ITGA2: variants seen among roughly 807,000 people sequenced by gnomAD.
ITGA2 encodes integrin subunit alpha 2.
In ITGA2, 101 loss-of-function variants were observed where a neutral mutation model predicts 146.3. The observed-to-expected ratio is 0.69, with a 90% CI of 0.59 to 0.81. ITGA2 has a LOEUF of 0.81. ITGA2 is among the 40% of genes least tolerant of loss of function. The pLI is 0.00. For synonymous variants in ITGA2, 477 were observed against 487.1 expected (o/e 0.98, Z 0.27); for missense variants, 1,281 against 1,402.7 (o/e 0.91, Z 1.39).
chr5:53,010,098 A>G (rs1172774210), intron 1 of ITGA2, among the ~76,000 whole-genome samples: 6 of 152,182 alleles, frequency 3.9e-5, no homozygotes, highest in Non-Finnish European at 8.8e-5. Flanking sequence ...CCTCTCAACC[A>G]TCTCAGCAAC....
In ITGA2 at chr5:53,004,894, G is replaced by GTTTTTTTTTT. The variant is rs548541753; in HGVS notation, c.64+15392_64+15401dup. Among the ~76,000 whole-genome samples, 16 of 55,946 alleles carry GTTTTTTTTTT rather than the reference G, an allele frequency of 2.9e-4. 5 individuals carry two copies. The highest frequency in any genetic ancestry group is 7.4e-4 in the African/African-American group (8 of 10,806). 36.7% of individuals were successfully genotyped at this position (55,946 alleles called of 152,430 possible). ...TACAACTTCTAAGTTTAGTTGCTTTGTTTTTTTTTTTTTTTTTTTTTTTTT... is the reference window on the plus strand; with the variant it reads ...TACAACTTCTAAGTTTAGTTGCTTTGTTTTTTTTTTTTTTTTTTTTTTTTTTTTTTTTTTT... On this transcript the variant is annotated intron_variant, in intron 1 of 29. Coordinates refer to ENST00000296585, the MANE Select transcript of ITGA2 (RefSeq NM_002203.4).
At chr5:53,074,569 T>C (rs1745572040) in intron 21 of ITGA2, 92 bp downstream of exon 21, 2 of 985,734 alleles carry the variant, frequency 2.0e-6, no homozygotes, top group Middle Eastern at 4.1e-4. Flanking sequence ...CATGATTTGA[T>C]AGGCATCACA....
At chr5:53,066,056 A>G (rs1561138147) in intron 15 of ITGA2, 79 bp downstream of exon 15, 10 of 1,317,474 alleles carry the variant, frequency 7.6e-6, no homozygotes, top group Non-Finnish European at 1.1e-5. Flanking sequence ...TACTGGTATT[A>G]TAGAAATGCC....
At chr5:53,008,960 T>C (rs1561086736) in intron 1 of ITGA2, among the ~76,000 whole-genome samples, 1 of 152,144 alleles carries the variant, frequency 6.6e-6, no homozygotes, top group Non-Finnish European at 1.5e-5. Flanking sequence ...AGTATGAGCA[T>C]GTGTCTATCA....
intron 12 of ITGA2, among the ~76,000 whole-genome samples, chr5:53,062,408 A>G (rs767352659): frequency 1.3e-5 from 2 of 151,910 alleles, no homozygotes; most frequent in Non-Finnish European, 2.9e-5. Context: ...CAAACCTCAC[A>G]TACCTACAAA....
chr5:53,051,271 T>C (rs967267515), intron 6 of ITGA2, 140 bp from the exon 7 acceptor site: 2 of 803,560 alleles, frequency 2.5e-6, no homozygotes, highest in Admixed American at 2.2e-5. Flanking sequence ...GAAAAGTAAC[T>C]ATCAAGAACA....
intron 2 of ITGA2, among the ~76,000 whole-genome samples, chr5:53,032,995 C>T (rs3822558): frequency 0.27 from 41,737 of 152,036 alleles, 5,832 homozygotes; most frequent in Admixed American, 0.32. Context: ...GGGCTGGGCT[C>T]GGTGGCTCAT....
At chr5:53,063,518 A>G (rs1055426662) in intron 13 of ITGA2, among the ~76,000 whole-genome samples, 2 of 150,022 alleles carry the variant, frequency 1.3e-5, no homozygotes, top group African/African-American at 2.5e-5. Context: ...TGTGGACTGA[A>G]CTCTCTAAAT....
Position 53,087,052 on chromosome 5 carries a change from C to T in ITGA2, c.3348+11C>T. ...GATAACACTGTTACGGTGAGCATATCACACCCTTCCCTGTGAGCCTCAGGG... is the reference window on the plus strand; with the variant it reads ...GATAACACTGTTACGGTGAGCATATTACACCCTTCCCTGTGAGCCTCAGGG... On this transcript the variant is annotated intron_variant, in intron 28 of 29. Coordinates refer to ENST00000296585, the MANE Select transcript of ITGA2 (RefSeq NM_002203.4). 6.3e-7 allele frequency: 1 copy of T among 1,589,052 alleles called. No homozygotes were observed. The highest frequency in any genetic ancestry group is 8.6e-7 in the Non-Finnish European group (1 of 1,157,606).
chr5:53,074,607 G>A (rs1669896714), intron 21 of ITGA2, 130 bp downstream of exon 21: 6 of 738,774 alleles, frequency 8.1e-6, no homozygotes, highest in Middle Eastern at 2.3e-4. Context: ...CTTAGGGGAA[G>A]TTTTCAATAT....
In ITGA2 at chr5:53,042,138, G is replaced by A; in HGVS notation, c.212G>A (p.Gly71Asp). Residue 71 changes from glycine to aspartate, a missense_variant, in exon 3 of 30, where the codon GGC becomes GAC. Transcript: ENST00000296585. ...TTACTGGTTGGTTCACCCTGGAGTG[G>A]CTTTCCTGAGAACCGAATGGGAGAT... ...NWLLVGSPWSGFPENRMGDVY... is the reference protein window; with the variant it reads ...NWLLVGSPWSDFPENRMGDVY... The A allele has an allele frequency of 1.2e-6, 2 of 1,612,982 alleles. No homozygotes were observed. Among genetic ancestry groups the A allele is most frequent in the Non-Finnish European group, 1.7e-6 (2 of 1,179,044 alleles).
At chr5:52,989,598 G>A in intron 1 of ITGA2, 66 bp downstream of exon 1, 1 of 1,564,636 alleles carries the variant, frequency 6.4e-7, no homozygotes, top group Admixed American at 1.7e-5. Context: ...GGGCTCGCTG[G>A]AGGGATTGGG....
At chr5:53,067,037 A>G in intron 15 of ITGA2, 81 bp from the exon 16 acceptor site, 2 of 1,413,628 alleles carry the variant, frequency 1.4e-6, no homozygotes, top group East Asian at 2.3e-5. Flanking sequence ...TAATGCTGGT[A>G]CTGGGTCCTC....
rs3212556 is a variant in ITGA2, at chr5:53,066,935, A to T, written c.1944-183A>T. Among the ~76,000 whole-genome samples, 29,432 of 150,428 alleles carry T rather than the reference A, an allele frequency of 0.2. 3,301 individuals are homozygous for T. The highest frequency in any genetic ancestry group is 0.28 in the South Asian group (1,322 of 4,754). On this transcript the variant is annotated intron_variant, in intron 15 of 29. Coordinates refer to ENST00000296585, the MANE Select transcript of ITGA2 (RefSeq NM_002203.4). ...TGTGTTAGTGATGCAGTCACAAATTAAAAAAAAAATTATCTCTGTCTGCCA... is the reference window on the plus strand; with the variant it reads ...TGTGTTAGTGATGCAGTCACAAATTTAAAAAAAAATTATCTCTGTCTGCCA...
Position 52,989,532 on chromosome 5 carries a change from G to A in ITGA2, c.64G>A (p.Gly22Ser), listed in dbSNP as rs1210262015. The A allele has an allele frequency of 3.7e-6, 6 of 1,613,986 alleles. No individual in the cohort carries two copies. The highest frequency in any genetic ancestry group is 2.7e-5 in the African/African-American group (2 of 74,926). The change falls in exon 1 of 30, where the codon GGC becomes AGC. Residue 22 changes from glycine (G) to serine (S), a missense_variant and splice_region_variant. This residue lies in a region of ITGA2 where 795 missense variants were observed against 841.7 expected (regional missense o/e 0.94). Coordinates refer to ENST00000296585, the MANE Select transcript of ITGA2 (RefSeq NM_002203.4). ...GCTGCTGGTGTTAGCGCTCAGTCAA[G>A]GTAAGCGGGGATTTCGCTCTGCATC... is the stretch of plus-strand genomic sequence containing the variant. ...PLLLVLALSQ[G>S]ILNCCLAYNV...
chr5:52,996,025 C>A (rs2111668026), intron 1 of ITGA2, among the ~76,000 whole-genome samples: 1 of 152,190 alleles, frequency 6.6e-6, no homozygotes, highest in Non-Finnish European at 1.5e-5. Flanking sequence ...TCTTGAAGGG[C>A]AGTCTACATG....
At chr5:52,990,943 ATC>A (rs1285829781) in intron 1 of ITGA2, among the ~76,000 whole-genome samples, 2 of 152,168 alleles carry the variant, frequency 1.3e-5, no homozygotes, top group African/African-American at 2.4e-5. Context: ...CAAGCTTTTC[ATC>A]TCTCTGTAAT....
chr5:53,005,676 C>T (rs928670033), intron 1 of ITGA2, among the ~76,000 whole-genome samples: 1 of 151,464 alleles, frequency 6.6e-6, no homozygotes. Flanking sequence ...TATAATGATA[C>T]TAATCGTAAA....
intron 2 of ITGA2, among the ~76,000 whole-genome samples, chr5:53,040,864 T>G (rs1469085302): frequency 6.6e-6 from 1 of 152,188 alleles, no homozygotes; most frequent in Non-Finnish European, 1.5e-5. Context: ...TCCATTTTTG[T>G]AACCTTGGAC....
Sources: allele counts gnomAD v4.1 joint callset (sites outside exome capture counted in the v4.1 genomes callset), GRCh38; gene constraint gnomAD v4.1.1; regional missense constraint gnomAD v4.1.1; transcripts MANE v1.5; gene names NCBI Gene and HGNC (gene_info 2026-07-23, HGNC 2026-07-21).